CDK15: variants seen among roughly 807,000 people sequenced by gnomAD.
The protein encoded by CDK15 is cyclin dependent kinase 15.
A neutral mutation model predicts 60.3 loss-of-function variants in CDK15; 62 were observed. The ratio of observed to expected loss-of-function variants is 1.03; its 90% CI spans 0.84 to 1.27. The LOEUF (loss-of-function observed/expected upper bound fraction) is 1.27. CDK15 is among the 50% of genes most tolerant of loss of function. CDK15 has a pLI of 0.00. For synonymous variants in CDK15, 194 were observed against 195.7 expected (o/e 0.99, Z 0.07); for missense variants, 541 against 527.8 (o/e 1.03, Z -0.25).
chr2:201,848,095 C>G (rs1697749847), intron 9 of CDK15, among the ~76,000 whole-genome samples: 2 of 152,126 alleles, frequency 1.3e-5, no homozygotes, highest in African/African-American at 2.4e-5. Flanking sequence ...CCACTGCACT[C>G]CAGGCTGGGG....
intron 4 of CDK15, among the ~76,000 whole-genome samples, chr2:201,816,302 T>G (rs1479338899): frequency 1.3e-5 from 2 of 152,134 alleles, no homozygotes; most frequent in Non-Finnish European, 2.9e-5. Flanking sequence ...GTGTAGTGTC[T>G]ATTATTCCCA....
chr2:201,867,716 C>G (rs1395947695), intron 10 of CDK15, among the ~76,000 whole-genome samples: 6 of 151,562 alleles, frequency 4.0e-5, no homozygotes, highest in African/African-American at 1.5e-4. Context: ...AACCTCAGGG[C>G]TTCCTTTCTC....
chr2:201,818,154 G>C (rs532195881), intron 4 of CDK15, among the ~76,000 whole-genome samples: 1 of 152,118 alleles, frequency 6.6e-6, no homozygotes, highest in Non-Finnish European at 1.5e-5. Context: ...CCACATGCCA[G>C]GCCTGTGCTA....
intron 9 of CDK15, among the ~76,000 whole-genome samples, chr2:201,850,295 A>C (rs1417482546): frequency 6.6e-6 from 1 of 152,160 alleles, no homozygotes; most frequent in Non-Finnish European, 1.5e-5. Flanking sequence ...TAACATTTTA[A>C]AATATGACAT....
At chr2:201,880,280 C>T in intron 12 of CDK15, 113 bp downstream of exon 12, 1 of 1,273,674 alleles carries the variant, frequency 7.9e-7, no homozygotes, top group Non-Finnish European at 1.1e-6. Flanking sequence ...TAGCATTTAC[C>T]CCCAGGAGTG....
At chr2:201,873,915 G>A (rs761287426) in intron 11 of CDK15, among the ~76,000 whole-genome samples, 107 of 152,278 alleles carry the variant, frequency 7.0e-4, no homozygotes, top group Non-Finnish European at 1.1e-3. Context: ...TTAGCCGAGC[G>A]TGGTGGCATG....
At chr2:201,875,086 TA>T (rs1699025303) in intron 11 of CDK15, among the ~76,000 whole-genome samples, 1 of 152,174 alleles carries the variant, frequency 6.6e-6, no homozygotes, top group Non-Finnish European at 1.5e-5. Flanking sequence ...AGTGATGGGT[TA>T]GTAGATGGTG....
In CDK15 at chr2:201,893,378, G is replaced by A. The variant is rs1395082931; in HGVS notation, c.*111G>A. Reference sequence around the variant, plus strand: ...TCAAATCTAACTCCATACTGAACAAGGGGCTTTATGTCCTCACCTATGACC... The same window carrying A: ...TCAAATCTAACTCCATACTGAACAAAGGGCTTTATGTCCTCACCTATGACC... On this transcript the variant is annotated 3_prime_UTR_variant, in exon 14 of 14. Coordinates refer to ENST00000652192, the MANE Select transcript of CDK15 (RefSeq NM_001366386.2). The A allele has an allele frequency of 6.6e-6, 1 of 152,158 alleles. No individual in the cohort carries two copies. The highest frequency in any genetic ancestry group is 1.5e-5 in the Non-Finnish European group (1 of 68,042). The allele number at this position is 152,158 out of a possible 1,614,324, so 9.4% of individuals were successfully genotyped here.
At chr2:201,883,459 G>A (rs757624989) in intron 12 of CDK15, among the ~76,000 whole-genome samples, 2 of 152,156 alleles carry the variant, frequency 1.3e-5, no homozygotes, top group African/African-American at 4.8e-5. Flanking sequence ...CCTAGGTTGT[G>A]GCAGTACGCT....
Position 201,812,543 on chromosome 2 carries a change from AT to A in CDK15, c.432del (p.Phe144LeufsTer10). On this transcript the variant is annotated frameshift_variant, in exon 4 of 14. Transcript: ENST00000652192. LOFTEE classifies it high-confidence loss of function. Reference sequence around the variant, plus strand: ...GCATGAATGCAGAGGAAGGAGTCCCATTTACAGCTATCCGAGAAGGTAAGAA... The same window carrying A: ...GCATGAATGCAGAGGAAGGAGTCCCATTACAGCTATCCGAGAAGGTAAGAA... Reference protein sequence around the residue: ...ISMNAEEGVPFTAIREASLLK... With the variant: ...ISMNAEEGVPXTAIREASLLK... The A allele has an allele frequency of 1.2e-6, 2 of 1,612,776 alleles. No homozygotes were observed. The highest frequency in any genetic ancestry group is 1.3e-5 in the African/African-American group (1 of 75,012).
chr2:201,834,394 T>C (rs1451665603), intron 7 of CDK15, among the ~76,000 whole-genome samples: 1 of 152,230 alleles, frequency 6.6e-6, no homozygotes, highest in East Asian at 1.9e-4. Context: ...GGACACTTGT[T>C]CCTGCTCTCC....
At chr2:201,840,344 T>A (rs1697322577) in intron 8 of CDK15, among the ~76,000 whole-genome samples, 1 of 152,216 alleles carries the variant, frequency 6.6e-6, no homozygotes, top group Non-Finnish European at 1.5e-5. Context: ...TTCTTTATAT[T>A]ATTTTTGTCT....
At chr2:201,863,957 C>A (rs1559140830) in intron 10 of CDK15, among the ~76,000 whole-genome samples, 1 of 152,106 alleles carries the variant, frequency 6.6e-6, no homozygotes. Flanking sequence ...CAAGTGGGCT[C>A]ACCTGAGTTA....
intron 8 of CDK15, among the ~76,000 whole-genome samples, chr2:201,843,130 A>T (rs1049122123): frequency 2.6e-5 from 4 of 152,248 alleles, no homozygotes; most frequent in Admixed American, 2.6e-4. Context: ...AAGGGTAAGA[A>T]GCAAATTAAA....
At chr2:201,889,984 G>C (rs1417163128) in intron 12 of CDK15, among the ~76,000 whole-genome samples, 3 of 151,296 alleles carry the variant, frequency 2.0e-5, no homozygotes, top group Non-Finnish European at 1.5e-5. Flanking sequence ...AGGAAGTGGA[G>C]GCTGCAGTGA....
At chr2:201,839,214 ATAATACTTGATACCTTG>A (rs1320440889) in intron 8 of CDK15, among the ~76,000 whole-genome samples, 2 of 152,164 alleles carry the variant, frequency 1.3e-5, no homozygotes, top group Non-Finnish European at 2.9e-5. Flanking sequence ...TAGCTTTGCA[ATAATACTTGATACCTTG>A]TAGGCCAAGT....
At chr2:201,857,297 A>AT (rs71406923) in intron 10 of CDK15, among the ~76,000 whole-genome samples, 12,422 of 145,900 alleles carry the variant, frequency 0.085, 720 homozygotes, top group Middle Eastern at 0.17. Context: ...ATTTTAAAAA[A>AT]TTTTCTGTTG....
chr2:201,867,373 C>T (rs1240477910), intron 10 of CDK15, among the ~76,000 whole-genome samples: 1 of 152,134 alleles, frequency 6.6e-6, no homozygotes, highest in Admixed American at 6.5e-5. Context: ...GCCTGTAATC[C>T]TAACACTTTG....
intron 8 of CDK15, among the ~76,000 whole-genome samples, chr2:201,837,301 AACAG>A (rs1439490492): frequency 1.7e-5 from 1 of 60,582 alleles, no homozygotes; most frequent in Middle Eastern, 7.0e-3. Flanking sequence ...GAAAGAAAGA[AACAG>A]AGAGAGAGAG....
Sources: gnomAD v4.1 joint callset for allele counts (sites outside exome capture counted in the v4.1 genomes callset) on GRCh38, gnomAD v4.1.1 for gene constraint, MANE v1.5 for transcripts, NCBI Gene and HGNC (gene_info 2026-07-23, HGNC 2026-07-21) for gene names.